The following NSD3 variants were observed in gnomAD, a reference collection of about 807,000 sequenced individuals.
NSD3 encodes histone-lysine N-methyltransferase NSD3.
Under a neutral mutation model 160.8 loss-of-function variants are expected in NSD3, and 24 were observed. The ratio of observed to expected loss-of-function variants is 0.15; its 90% CI spans 0.11 to 0.21. NSD3 has a LOEUF of 0.21. Ranked by LOEUF, NSD3 falls within the 10% of genes least tolerant of loss-of-function variation. The pLI, the probability that NSD3 is intolerant of heterozygous loss-of-function variation, is 1.00. For missense variants in NSD3, 1,157 were observed against 1,735.9 expected, an observed-to-expected ratio of 0.67 and a Z score of 5.93; for synonymous variants, 520 against 600.0, an observed-to-expected ratio of 0.87 and a Z score of 1.95.
chr8:38,316,995 T>C lies in NSD3; in HGVS notation c.1856-953A>G, dbSNP rs1036018606. ...GGTTAATATTTCAACCCACAGTTTG[T>C]GTTTTGGATTTTTTCCCCCAAAATT... On this transcript the variant is annotated intron_variant, in intron 9 of 23. Coordinates refer to ENST00000317025, the MANE Select transcript of NSD3 (RefSeq NM_023034.2). The surrounding 1 kb of genome is among the most constrained non-coding windows in gnomAD (Gnocchi z 4.5). The C allele has an allele frequency of 9.4e-7, 1 of 1,059,816 alleles. No individual in the cohort carries two copies. The highest frequency in any genetic ancestry group is 5.2e-5 in the East Asian group (1 of 19,366). 65.7% of individuals were successfully genotyped at this position (1,059,816 alleles called of 1,614,324 possible).
intron 17 of NSD3, among the ~76,000 whole-genome samples, chr8:38,289,951 C>T (rs1195367900): frequency 6.6e-6 from 1 of 152,180 alleles, no homozygotes; most frequent in East Asian, 1.9e-4. Flanking sequence ...CTTGGTGGCT[C>T]AGAGCTATAA....
In NSD3 at chr8:38,329,350, C is replaced by T. The variant is rs533923076; in HGVS notation, c.1581+28G>A. On this transcript the variant is annotated intron_variant, in intron 6 of 23. Coordinates refer to ENST00000317025, the MANE Select transcript of NSD3 (RefSeq NM_023034.2). This position sits in a 1 kb window ranked among gnomAD's most constrained non-coding sequence, Gnocchi z 4.8. ...TGACCACTTTTAAAATACCATCCCCCAAAAAACTCCACGAAAAAAGGAGGT... is the reference window on the plus strand; with the variant it reads ...TGACCACTTTTAAAATACCATCCCCTAAAAAACTCCACGAAAAAAGGAGGT... The T allele has an allele frequency of 1.4e-5, 22 of 1,592,938 alleles. No individual in the cohort carries two copies. The East Asian group carries it at 4.9e-4, about 36-fold the overall frequency.
At chr8:38,358,771 G>A (rs764437940) in intron 1 of NSD3, among the ~76,000 whole-genome samples, 44 of 151,890 alleles carry the variant, frequency 2.9e-4, no homozygotes, top group Non-Finnish European at 6.5e-4. Context: ...GTACATACAC[G>A]CAAAGCCCCC....
At position 38,318,312 on chromosome 8, in the gene NSD3, G is replaced by A. The variant is rs1170116803; in HGVS notation, c.1855+583C>T. Among the ~76,000 whole-genome samples, 1 of 152,206 alleles carries A rather than the reference G, an allele frequency of 6.6e-6. No individual in the cohort carries two copies. Among genetic ancestry groups the A allele is most frequent in the Non-Finnish European group, 1.5e-5 (1 of 68,036 alleles). ...AAAAACGCACGAATCATGCTATGGA[G>A]TTTGTACTGTAGTCAAATTGCACAC... is the stretch of plus-strand genomic sequence containing the variant. On this transcript the variant is annotated intron_variant, in intron 9 of 23. Transcript: ENST00000317025. This position sits in a 1 kb window ranked among gnomAD's most constrained non-coding sequence, Gnocchi z 5.3.
At chr8:38,293,541 C>G (rs1809058949) in intron 16 of NSD3, among the ~76,000 whole-genome samples, 1 of 151,544 alleles carries the variant, frequency 6.6e-6, no homozygotes, top group Non-Finnish European at 1.5e-5. Flanking sequence ...AGAGCGAGAC[C>G]CTGTCTCAAA....
intron 5 of NSD3, among the ~76,000 whole-genome samples, 191 bp from the exon 6 acceptor site, chr8:38,330,084 T>C (rs192958447): frequency 6.6e-6 from 1 of 152,344 alleles, no homozygotes; most frequent in Non-Finnish European, 1.5e-5. Context: ...GAGGATCTAC[T>C]CTCTTTTATA....
Position 38,288,945 on chromosome 8 carries a change from C to T in NSD3, c.3232-189G>A, listed in dbSNP as rs1443339264. On this transcript the variant is annotated intron_variant, in intron 18 of 23. Coordinates refer to ENST00000317025, the MANE Select transcript of NSD3 (RefSeq NM_023034.2). The surrounding 1 kb of genome is among the most constrained non-coding windows in gnomAD (Gnocchi z 4.5). ...TTAGTTGACAAAAATATCAAAGCCT[C>T]ATGTGAATTTTCACTTATTTATCCT... is the stretch of plus-strand genomic sequence containing the variant. Among the ~76,000 whole-genome samples the T allele has an allele frequency of 4.6e-5, 7 of 152,132 alleles. No individual in the cohort carries two copies. The highest frequency in any genetic ancestry group is 1.7e-4 in the African/African-American group (7 of 41,426).
chr8:38,337,346 C>T lies in NSD3; in HGVS notation c.869G>A (p.Ser290Asn). 2 of 1,611,458 alleles carry T rather than the reference C, an allele frequency of 1.2e-6. No homozygotes were observed. The highest frequency in any genetic ancestry group is 1.7e-6 in the Non-Finnish European group (2 of 1,179,134). The part of the protein sequence containing the change: ...TYPWWPCMVS[S>N]DPQLEVHTKI... ...AGTATGAACCTCAAGCTGGGGATCA[C>T]TTGAAACCATACAAGGCCACCAAGG... The change falls in exon 4 of 24, where the codon AGT becomes AAT. Residue 290 changes from serine (S) to asparagine (N), a missense_variant. Coordinates refer to ENST00000317025, the MANE Select transcript of NSD3 (RefSeq NM_023034.2).
intron 7 of NSD3, among the ~76,000 whole-genome samples, chr8:38,324,883 T>C (rs1809870216): frequency 6.6e-6 from 1 of 152,218 alleles, no homozygotes; most frequent in Non-Finnish European, 1.5e-5. Context: ...TCCAGGTTGC[T>C]GAACACACGA....
At chr8:38,334,366 T>G (rs1810153828) in intron 4 of NSD3, among the ~76,000 whole-genome samples, 2 of 152,144 alleles carry the variant, frequency 1.3e-5, no homozygotes, top group Non-Finnish European at 2.9e-5. Flanking sequence ...ACAGGATTTT[T>G]GGGGGTTGAT....
intron 11 of NSD3, 63 bp from the exon 12 acceptor site, chr8:38,314,836 C>A: frequency 6.5e-7 from 1 of 1,547,534 alleles, no homozygotes; most frequent in Admixed American, 1.8e-5. Context: ...ACATGGGCGG[C>A]TTGTTAAACA....
intron 1 of NSD3, among the ~76,000 whole-genome samples, chr8:38,354,118 C>T (rs1029497149): frequency 2.6e-5 from 4 of 152,190 alleles, no homozygotes; most frequent in East Asian, 1.9e-4. Context: ...ATTGATTCTT[C>T]CCTCTTTGTT....
intron 14 of NSD3, chr8:38,303,107 A>G (rs1809314199): frequency 2.3e-6 from 1 of 426,496 alleles, no homozygotes; most frequent in Non-Finnish European, 3.1e-6. Flanking sequence ...ATACACTGAC[A>G]GGAAATGTCA....
At chr8:38,358,776 G>GC (rs1563367461) in intron 1 of NSD3, among the ~76,000 whole-genome samples, 1 of 151,948 alleles carries the variant, frequency 6.6e-6, no homozygotes, top group African/African-American at 2.4e-5. Context: ...TACACGCAAA[G>GC]CCCCCCTAAA....
chr8:38,318,996 T>C lies in NSD3; in HGVS notation c.1810-56A>G. On this transcript the variant is annotated intron_variant, in intron 8 of 23. Coordinates refer to ENST00000317025, the MANE Select transcript of NSD3 (RefSeq NM_023034.2). The surrounding 1 kb of genome is among the most constrained non-coding windows in gnomAD (Gnocchi z 5.3). ...AAGAATTTTTTTCCCTTTTAATTAT[T>C]AACAGAGGGAAAAGATACTTTCATC... is the stretch of plus-strand genomic sequence containing the variant. The C allele has an allele frequency of 1.4e-6, 2 of 1,436,126 alleles. No homozygotes were observed. The highest frequency in any genetic ancestry group is 9.6e-7 in the Non-Finnish European group (1 of 1,037,402). 89.0% of individuals were successfully genotyped at this position (1,436,126 alleles called of 1,614,324 possible). A position where few individuals can be genotyped will look rare whatever the true frequency, so the allele number is the denominator to read the frequency against.
intron 2 of NSD3, among the ~76,000 whole-genome samples, chr8:38,340,737 C>T (rs1810342596): frequency 6.6e-6 from 1 of 152,020 alleles, no homozygotes; most frequent in African/African-American, 2.4e-5. Context: ...TAGGACGTTC[C>T]AGGCCCAGTT....
At chr8:38,285,094 C>T (rs1015234941) in intron 19 of NSD3, among the ~76,000 whole-genome samples, 15 of 151,998 alleles carry the variant, frequency 9.9e-5, no homozygotes, top group Non-Finnish European at 1.9e-4. Flanking sequence ...TGAAAGACCG[C>T]AGCAAAGAGG....
At chr8:38,366,415 A>ATTTT (rs1399938867) in intron 1 of NSD3, among the ~76,000 whole-genome samples, 1 of 118,784 alleles carries the variant, frequency 8.4e-6, no homozygotes, top group African/African-American at 3.0e-5. Context: ...CATCTACTTA[A>ATTTT]TTCTTTTTTT....
intron 7 of NSD3, among the ~76,000 whole-genome samples, chr8:38,322,789 C>T (rs1032810972): frequency 1.3e-5 from 2 of 152,080 alleles, no homozygotes; most frequent in Admixed American, 6.5e-5. Context: ...TGTGACAGTG[C>T]CAAACATTTT....
Sources: allele counts gnomAD v4.1 joint callset (sites outside exome capture counted in the v4.1 genomes callset), GRCh38; gene constraint gnomAD v4.1.1; non-coding constraint Gnocchi (gnomAD v3.1); transcripts MANE v1.5; gene names NCBI Gene and HGNC (gene_info 2026-07-23, HGNC 2026-07-21).